The following DOCK5 variants were observed in gnomAD, a reference collection of about 807,000 sequenced individuals.
DOCK5 encodes the protein dedicator of cytokinesis protein 5.
DOCK5 carries 142 observed loss-of-function variants against 251.8 expected under a neutral mutation model. The observed-to-expected ratio is 0.56, with a 90% CI of 0.49 to 0.65. DOCK5 has a LOEUF of 0.65. Ranked by LOEUF, DOCK5 falls within the 30% of genes least tolerant of loss-of-function variation. The probability of loss-of-function intolerance (pLI) is 0.00; values close to 1 mark genes in which losing one functional copy is unlikely to be tolerated. For missense variants in DOCK5, 2,111 were observed against 2,312.3 expected (o/e 0.91, Z 1.79); for synonymous variants, 842 against 835.5 (o/e 1.01, Z -0.13).
chr8:25,221,588 T>C (rs1802392468), intron 1 of DOCK5, among the ~76,000 whole-genome samples: 2 of 152,230 alleles, frequency 1.3e-5, no homozygotes, highest in Non-Finnish European at 2.9e-5. Context: ...ATTACAGGCG[T>C]GAGCCACTGT....
intron 42 of DOCK5, 133 bp from the exon 43 acceptor site, chr8:25,391,763 G>A (rs770725840): frequency 5.1e-6 from 3 of 587,524 alleles, no homozygotes; most frequent in South Asian, 2.5e-5. Context: ...TCATGTGGAG[G>A]CACTATTGAT....
chr8:25,403,657 A>G lies in DOCK5; in HGVS notation c.5026A>G (p.Thr1676Ala), dbSNP rs1290073610. 2 of 1,613,812 alleles carry G rather than the reference A, an allele frequency of 1.2e-6. No homozygotes were observed. The highest frequency in any genetic ancestry group is 4.5e-5 in the East Asian group (2 of 44,882). Residue 1676 changes from threonine (T) to alanine (A), a missense_variant, in exon 48 of 52, where the codon ACT (threonine) becomes GCT (alanine). By Grantham distance (58) the Thr-to-Ala change is moderately conservative. Around this residue, in one of 3 missense-constraint regions of DOCK5, gnomAD observed 1,717 missense variants for 1,892.4 expected, o/e 0.91. Coordinates refer to ENST00000276440, the MANE Select transcript of DOCK5 (RefSeq NM_024940.8). ...TLRRLSITSVTSSVVSTSSNS... is the reference protein window; with the variant it reads ...TLRRLSITSVASSVVSTSSNS... Reference sequence around the variant, plus strand: ...GCGGAGGTTGTCCATCACCTCAGTCACTTCCTCTGTGGTTTCCACCTCTTC... The same window carrying G: ...GCGGAGGTTGTCCATCACCTCAGTCGCTTCCTCTGTGGTTTCCACCTCTTC...
intron 13 of DOCK5, among the ~76,000 whole-genome samples, chr8:25,312,092 T>A (rs147056470): frequency 6.4e-4 from 97 of 152,334 alleles, no homozygotes; most frequent in African/African-American, 2.3e-3. Context: ...TGGAGATCAC[T>A]CTTTTTTCCT....
chr8:25,235,375 C>T (rs1290952463), intron 1 of DOCK5, among the ~76,000 whole-genome samples: 1 of 152,100 alleles, frequency 6.6e-6, no homozygotes, highest in Non-Finnish European at 1.5e-5. Context: ...ATCCTCCCAC[C>T]TCACCCTCTC....
intron 1 of DOCK5, among the ~76,000 whole-genome samples, chr8:25,223,341 T>A (rs534973922): frequency 6.6e-6 from 1 of 152,124 alleles, no homozygotes; most frequent in African/African-American, 2.4e-5. Context: ...AATAGACAGG[T>A]TTTTGCTCTG....
intron 21 of DOCK5, among the ~76,000 whole-genome samples, chr8:25,335,552 G>C (rs989088313): frequency 6.6e-6 from 1 of 151,436 alleles, no homozygotes; most frequent in Non-Finnish European, 1.5e-5. Flanking sequence ...GACTATTATT[G>C]TATATAACTA....
At chr8:25,375,564 C>G in intron 37 of DOCK5, 1 of 447,954 alleles carries the variant, frequency 2.2e-6, no homozygotes, top group Non-Finnish European at 2.9e-6. Flanking sequence ...ATCTCCCTGA[C>G]TACCACCTTG....
In DOCK5 at chr8:25,415,435, A is replaced by G. The variant is rs1021923187; in HGVS notation, c.*4137A>G. The G allele has an allele frequency of 6.6e-6, 1 of 152,152 alleles. No individual in the cohort carries two copies. The highest frequency in any genetic ancestry group is 1.5e-5 in the Non-Finnish European group (1 of 68,022). The allele number at this position is 152,152 out of a possible 1,614,324, so 9.4% of individuals were successfully genotyped here. The stretch of plus-strand genomic sequence containing the variant: ...TCTTTGGTGGGTTGAGAGTTGGACC[A>G]TCAATTCTAATCTACAAAAGGAAAT... On this transcript the variant is annotated 3_prime_UTR_variant, in exon 52 of 52. Coordinates refer to ENST00000276440, the MANE Select transcript of DOCK5 (RefSeq NM_024940.8).
chr8:25,356,601 C>T (rs764708728), intron 27 of DOCK5, among the ~76,000 whole-genome samples: 2 of 151,678 alleles, frequency 1.3e-5, no homozygotes, highest in Non-Finnish European at 2.9e-5. Context: ...CCAGGGAAGT[C>T]GAGGCTACAG....
intron 39 of DOCK5, among the ~76,000 whole-genome samples, 195 bp from the exon 40 acceptor site, chr8:25,382,479 A>G (rs1222022481): frequency 6.6e-6 from 1 of 152,138 alleles, no homozygotes; most frequent in Non-Finnish European, 1.5e-5. Flanking sequence ...CAGCCTTCCA[A>G]CGTCCATTCA....
intron 13 of DOCK5, among the ~76,000 whole-genome samples, chr8:25,314,560 C>T (rs1228413880): frequency 1.6e-5 from 2 of 125,074 alleles, no homozygotes; most frequent in East Asian, 2.9e-4. Flanking sequence ...ATCCATCCAC[C>T]CACCCACCCA....
intron 1 of DOCK5, among the ~76,000 whole-genome samples, chr8:25,187,811 T>C (rs968020390): frequency 2.0e-5 from 3 of 152,146 alleles, no homozygotes; most frequent in African/African-American, 7.2e-5. Context: ...GCTCCCATTG[T>C]GCCTGTCCCT....
At chr8:25,208,896 A>G (rs1223416008) in intron 1 of DOCK5, among the ~76,000 whole-genome samples, 6 of 152,018 alleles carry the variant, frequency 3.9e-5, no homozygotes, top group Non-Finnish European at 8.8e-5. Context: ...ACTCCTCCCA[A>G]ATGACTTGTG....
At chr8:25,252,510 G>A (rs1411648765) in intron 2 of DOCK5, among the ~76,000 whole-genome samples, 1 of 152,174 alleles carries the variant, frequency 6.6e-6, no homozygotes, top group Non-Finnish European at 1.5e-5. Flanking sequence ...ATTTTATGAC[G>A]CTGCGTGCAA....
chr8:25,191,510 A>T (rs1801581599), intron 1 of DOCK5, among the ~76,000 whole-genome samples: 1 of 152,198 alleles, frequency 6.6e-6, no homozygotes, highest in South Asian at 2.1e-4. Flanking sequence ...TTCAATTTGA[A>T]TTTCTGATAT....
chr8:25,202,315 C>A (rs894966431), intron 1 of DOCK5, among the ~76,000 whole-genome samples: 3 of 152,142 alleles, frequency 2.0e-5, no homozygotes, highest in Non-Finnish European at 4.4e-5. Flanking sequence ...ACCGCACCCA[C>A]CCCTGGAAAA....
rs1491383745 is a variant in DOCK5 at position 25,391,197 on chromosome 8, C to CTGGG, written c.4356-697_4356-696insGGTG. 8.3e-3 allele frequency among the ~76,000 whole-genome samples: 190 copies of CTGGG among 22,918 alleles called. 6 individuals carry two copies. In the Non-Finnish European group the frequency reaches 0.11, roughly 13 times the overall value. The allele number at this position is 22,918 out of a possible 152,430, so 15.0% of individuals were successfully genotyped here. A position where few individuals can be genotyped will look rare whatever the true frequency, so the allele number is the denominator to read the frequency against. ...GTAGCTGGGACATACACCACCACAC[C>CTGGG]TGTGTGTGTGTGTGTGTGTGTGTGT... On this transcript the variant is annotated intron_variant, in intron 42 of 51. Transcript: ENST00000276440.
Position 25,372,608 on chromosome 8 carries a change from G to A in DOCK5, c.3574G>A (p.Val1192Ile), listed in dbSNP as rs1445798159. ...CAAATACCTCTCCAGCTCTGGGGAG[G>A]TCTTCGCCCTCCTGGTCAGCAGCCT... Reference protein sequence around the residue: ...KHKYLSSSGEVFALLVSSLLE... With the variant: ...KHKYLSSSGEIFALLVSSLLE... Residue 1192 changes from valine (V) to isoleucine (I), a missense_variant, in exon 35 of 52, where the codon GTC becomes ATC. By Grantham distance (29) the Val-to-Ile change is conservative (BLOSUM62 3). Coordinates refer to ENST00000276440, the MANE Select transcript of DOCK5 (RefSeq NM_024940.8). 6.2e-6 allele frequency: 10 copies of A among 1,604,778 alleles called. No homozygotes were observed. Among genetic ancestry groups the A allele is most frequent in the Non-Finnish European group, 7.7e-6 (9 of 1,176,392 alleles).
intron 31 of DOCK5, among the ~76,000 whole-genome samples, chr8:25,367,873 C>T (rs979943500): frequency 6.6e-6 from 1 of 152,292 alleles, no homozygotes; most frequent in African/African-American, 2.4e-5. Context: ...ACTTCATTCA[C>T]CTTCCTTTTC....
Sources: gnomAD v4.1 joint callset for allele counts (sites outside exome capture counted in the v4.1 genomes callset) on GRCh38, gnomAD v4.1.1 for gene constraint, gnomAD v4.1.1 regional missense constraint, MANE v1.5 for transcripts, NCBI Gene and HGNC (gene_info 2026-07-23, HGNC 2026-07-21) for gene names.